The following MELK variants were observed in gnomAD, a reference collection of about 807,000 sequenced individuals.
MELK encodes the protein maternal embryonic leucine zipper kinase, also known as pEg3 kinase.
In MELK, 81 loss-of-function variants were observed where a neutral mutation model predicts 85.0. The observed-to-expected ratio is 0.95, with a 90% confidence interval of 0.80 to 1.15. The LOEUF (loss-of-function observed/expected upper bound fraction) is 1.15. Ranked by LOEUF, MELK falls within the 50% of genes most tolerant of loss-of-function variation. The pLI is 0.00. For missense variants in MELK, 754 were observed against 777.5 expected (o/e 0.97, Z 0.36); for synonymous variants, 252 against 265.0 (o/e 0.95, Z 0.48).
intron 3 of MELK, 38 bp downstream of exon 3, chr9:36,583,750 G>T: frequency 7.0e-7 from 1 of 1,426,564 alleles, no homozygotes; most frequent in South Asian, 1.2e-5. Flanking sequence ...TCCACTTATA[G>T]ATCAGTTTCG....
intron 15 of MELK, 125 bp downstream of exon 15, chr9:36,669,531 G>T: frequency 3.0e-6 from 2 of 656,030 alleles, no homozygotes; most frequent in Non-Finnish European, 4.8e-6. Flanking sequence ...AGGAATATCT[G>T]TTTATGTGTG....
At position 36,616,601 on chromosome 9, in the gene MELK, G is replaced by T. The variant is rs555466021; in HGVS notation, c.666+8928G>T. On this transcript the variant is annotated intron_variant, in intron 8 of 17. Coordinates refer to ENST00000298048, the MANE Select transcript of MELK (RefSeq NM_014791.4). ...GATGGGGTTTCACCATGTTGGACAGGCTTGTCTCGAACTCCTGACCTTAGG... is the reference window on the plus strand; with the variant it reads ...GATGGGGTTTCACCATGTTGGACAGTCTTGTCTCGAACTCCTGACCTTAGG... Among the ~76,000 whole-genome samples, 17 of 152,002 alleles carry T rather than the reference G, an allele frequency of 1.1e-4. No homozygotes were observed. In the East Asian group the frequency reaches 3.1e-3, roughly 28 times the overall value.
At chr9:36,651,291 T>C (rs1354172246) in intron 11 of MELK, among the ~76,000 whole-genome samples, 1 of 152,228 alleles carries the variant, frequency 6.6e-6, no homozygotes, top group Non-Finnish European at 1.5e-5. Flanking sequence ...TATCCCTACT[T>C]AGTTGTGAAT....
At chr9:36,653,760 T>C (rs142327135) in intron 12 of MELK, among the ~76,000 whole-genome samples, 2 of 152,098 alleles carry the variant, frequency 1.3e-5, no homozygotes, top group East Asian at 1.9e-4. Flanking sequence ...TTGGTTTTTT[T>C]CCCCTTTATA....
intron 7 of MELK, among the ~76,000 whole-genome samples, chr9:36,606,285 TATAGGTGTGTATATAATATATACATATG>T: frequency 6.7e-6 from 1 of 148,402 alleles, no homozygotes; most frequent in African/African-American, 2.5e-5. Context: ...TATACATATG[TATAGGTGTGTATATAATATATACATATG>T]TATAGGTGTG....
chr9:36,601,927 T>C (rs78110281), intron 7 of MELK, among the ~76,000 whole-genome samples: 2,898 of 152,320 alleles, frequency 0.019, 80 homozygotes, highest in African/African-American at 0.062. Flanking sequence ...CTGAATAATA[T>C]TCCATTGTAT....
chr9:36,575,927 C>T (rs531368149), intron 1 of MELK, among the ~76,000 whole-genome samples: 2 of 152,200 alleles, frequency 1.3e-5, no homozygotes, highest in South Asian at 4.1e-4. Flanking sequence ...ATCAGGATTC[C>T]AAAGATTTCT....
intron 7 of MELK, among the ~76,000 whole-genome samples, chr9:36,603,319 T>C (rs1331971332): frequency 6.6e-6 from 1 of 152,208 alleles, no homozygotes; most frequent in Non-Finnish European, 1.5e-5. Context: ...TAGTTGATTC[T>C]GATGTTCACA....
At chr9:36,627,494 T>C (rs963836632) in intron 8 of MELK, among the ~76,000 whole-genome samples, 2 of 151,842 alleles carry the variant, frequency 1.3e-5, no homozygotes, top group Non-Finnish European at 2.9e-5. Flanking sequence ...GCACTCAGTA[T>C]TACCCAGAGA....
rs549082995 is a variant in MELK at position 36,594,654 on chromosome 9, C to T, written c.288C>T (p.Asp96=). The T allele has an allele frequency of 9.9e-6, 16 of 1,613,978 alleles. No individual in the cohort carries two copies. The highest frequency in any genetic ancestry group is 9.9e-5 in the South Asian group (9 of 91,060). Residue 96 remains aspartate (D), a synonymous_variant, in exon 5 of 18, where the codon GAC becomes GAT. Coordinates refer to ENST00000298048, the MANE Select transcript of MELK (RefSeq NM_014791.4). The part of the protein sequence containing the change: ...LEYCPGGELF[D]YIISQDRLSE... The stretch of plus-strand genomic sequence containing the variant: ...ACTGCCCTGGAGGAGAGCTGTTTGA[C>T]TATATAATTTCCCAGGATCGCCTGT...
In MELK at chr9:36,670,770, G is replaced by C. The variant is rs531132364; in HGVS notation, c.1506-228G>C. 4.0e-5 allele frequency among the ~76,000 whole-genome samples: 6 copies of C among 151,774 alleles called. No homozygotes were observed. The East Asian group carries it at 1.2e-3, about 29-fold the overall frequency. ...GATATATATATCCTTTTTTAAAAAG[G>C]AAGGGGATAAATAGTTTTGCTGAGT... On this transcript the variant is annotated intron_variant, in intron 15 of 17. Coordinates refer to ENST00000298048, the MANE Select transcript of MELK (RefSeq NM_014791.4).
At chr9:36,578,959 C>T (rs1320921901) in intron 1 of MELK, among the ~76,000 whole-genome samples, 1 of 152,042 alleles carries the variant, frequency 6.6e-6, no homozygotes, top group Non-Finnish European at 1.5e-5. Context: ...TCTCCTGCCT[C>T]AGCCTCCCGA....
At chr9:36,645,152 G>A (rs1830111238) in intron 11 of MELK, among the ~76,000 whole-genome samples, 1 of 151,544 alleles carries the variant, frequency 6.6e-6, no homozygotes, top group Non-Finnish European at 1.5e-5. Context: ...CAGCTACTCG[G>A]GAAGCTGAGG....
At chr9:36,641,468 A>G (rs1455073974) in intron 10 of MELK, among the ~76,000 whole-genome samples, 7 of 152,170 alleles carry the variant, frequency 4.6e-5, no homozygotes, top group Non-Finnish European at 4.4e-5. Context: ...TTCCCAGTGG[A>G]CAGAGATCAC....
intron 4 of MELK, among the ~76,000 whole-genome samples, chr9:36,592,935 T>C (rs1738980928): frequency 1.3e-5 from 2 of 152,188 alleles, no homozygotes; most frequent in Non-Finnish European, 2.9e-5. Context: ...CTTTTGAAGT[T>C]TTCCCTGTAA....
At chr9:36,649,186 T>C (rs767688951) in intron 11 of MELK, among the ~76,000 whole-genome samples, 13 of 152,148 alleles carry the variant, frequency 8.5e-5, no homozygotes, top group Non-Finnish European at 1.8e-4. Flanking sequence ...TTGAAATCTT[T>C]TAAAAGTAGA....
At position 36,671,124 on chromosome 9, in the gene MELK, C is replaced by G; in HGVS notation, c.1632C>G (p.Ser544Arg). The change falls in exon 16 of 18, where the codon AGC (serine) becomes AGG (arginine). Residue 544 changes from serine to arginine, a missense_variant. By Grantham distance (110) the Ser-to-Arg change is moderately radical. Transcript: ENST00000298048. Reference protein sequence around the residue: ...LDKVITVLTRSKRKGSARDGP... With the variant: ...LDKVITVLTRRKRKGSARDGP... Reference sequence around the variant, plus strand: ...AGGTTATCACTGTGCTCACCAGGAGCAAAAGGAAGGGTTCTGCCAGAGACG... The same window carrying G: ...AGGTTATCACTGTGCTCACCAGGAGGAAAAGGAAGGGTTCTGCCAGAGACG... 2 of 1,609,380 alleles carry G rather than the reference C, an allele frequency of 1.2e-6. No individual in the cohort carries two copies. The highest frequency in any genetic ancestry group is 1.7e-6 in the Non-Finnish European group (2 of 1,177,744).
At chr9:36,633,358 C>T (rs1828831590) in intron 10 of MELK, among the ~76,000 whole-genome samples, 158 bp downstream of exon 10, 1 of 152,082 alleles carries the variant, frequency 6.6e-6, no homozygotes, top group South Asian at 2.1e-4. Flanking sequence ...GTTCCTTAAC[C>T]CCATCTGCAA....
intron 17 of MELK, 86 bp from the exon 18 acceptor site, chr9:36,677,074 C>A: frequency 8.8e-7 from 1 of 1,139,036 alleles, no homozygotes; most frequent in Non-Finnish European, 1.3e-6. Context: ...TGGTTCATTT[C>A]CTCCACTGGC....
Sources: gnomAD v4.1 joint callset for allele counts (sites outside exome capture counted in the v4.1 genomes callset) on GRCh38, gnomAD v4.1.1 for gene constraint, MANE v1.5 for transcripts, NCBI Gene and HGNC (gene_info 2026-07-23, HGNC 2026-07-21) for gene names.